Variants in GRID2 observed in about 807,000 individuals in gnomAD.
The protein encoded by GRID2 is glutamate receptor ionotropic, delta-2.
In GRID2, 33 loss-of-function variants were observed where a neutral mutation model predicts 114.8. The observed-to-expected ratio is 0.29, with a 90% confidence interval of 0.22 to 0.38. The LOEUF (loss-of-function observed/expected upper bound fraction) is 0.38, where lower values mean the gene tolerates loss of function less well. Among genes scored for constraint, GRID2 ranks in the 10% least tolerant of loss-of-function variants. GRID2 has a pLI of 1.00. For missense variants in GRID2, 1,184 were observed against 1,257.7 expected (o/e 0.94, Z 0.89); for synonymous variants, 505 against 449.9 (o/e 1.12, Z -1.55).
intron 4 of GRID2, among the ~76,000 whole-genome samples, chr4:93,170,349 G>A (rs1370815294): frequency 6.6e-6 from 1 of 152,096 alleles, no homozygotes; most frequent in African/African-American, 2.4e-5. Context: ...CTCCCAAAGT[G>A]CTGGGATTAC....
intron 2 of GRID2, among the ~76,000 whole-genome samples, chr4:92,610,902 A>T (rs1208178397): frequency 1.3e-5 from 2 of 151,698 alleles, no homozygotes; most frequent in Non-Finnish European, 2.9e-5. Flanking sequence ...TCTTTTAATG[A>T]TGAATAGTGT....
intron 1 of GRID2, among the ~76,000 whole-genome samples, chr4:92,587,226 T>A (rs747108969): frequency 4.0e-4 from 60 of 151,556 alleles, no homozygotes; most frequent in Middle Eastern, 6.8e-3. Context: ...TGTAAAATCA[T>A]GCTAATAAAA....
intron 7 of GRID2, among the ~76,000 whole-genome samples, chr4:93,230,054 A>C (rs1372881217): frequency 6.6e-6 from 1 of 151,996 alleles, no homozygotes; most frequent in East Asian, 1.9e-4. Context: ...CCATATAGTT[A>C]GCTTTTTGTA....
At chr4:93,780,759 C>T (rs768345545) in intron 1 of GRID2, among the ~76,000 whole-genome samples, 2 of 152,124 alleles carry the variant, frequency 1.3e-5, no homozygotes, top group Non-Finnish European at 2.9e-5. Flanking sequence ...TGAAAACCTC[C>T]GTCAGTGGCA....
chr4:92,397,122 TTAAAA>T (rs1453718942), intron 1 of GRID2, among the ~76,000 whole-genome samples: 2 of 152,072 alleles, frequency 1.3e-5, no homozygotes, highest in African/African-American at 4.8e-5. Context: ...TTGAAATTCT[TTAAAA>T]TAATCATGTA....
intron 2 of GRID2, among the ~76,000 whole-genome samples, chr4:92,847,694 C>T (rs1302194654): frequency 3.3e-5 from 5 of 151,958 alleles, no homozygotes; most frequent in Non-Finnish European, 7.4e-5. Context: ...CCATTCCATA[C>T]TTAGTCTAGT....
At chr4:93,543,047 G>C (rs1452942895) in intron 13 of GRID2, among the ~76,000 whole-genome samples, 1 of 152,132 alleles carries the variant, frequency 6.6e-6, no homozygotes, top group Non-Finnish European at 1.5e-5. Flanking sequence ...AATGCGAGTG[G>C]TCTCCTAATA....
rs145682858 is a variant in GRID2, at chr4:92,552,624, A to G, written c.89-37507A>G. On this transcript the variant is annotated intron_variant, in intron 1 of 15. Transcript: ENST00000282020. ...ACGTTCTCTTAAGATCGAATGAAGC[A>G]GATTTTAAAAGCTCAGCTACAGTAG... is the stretch of plus-strand genomic sequence containing the variant. Among the ~76,000 whole-genome samples, 176 of 152,330 alleles carry G rather than the reference A, an allele frequency of 1.2e-3. 1 individual carries two copies. The highest frequency in any genetic ancestry group is 1.8e-3 in the Non-Finnish European group (123 of 68,030).
chr4:92,662,015 A>T (rs538122696), intron 2 of GRID2, among the ~76,000 whole-genome samples: 14 of 151,074 alleles, frequency 9.3e-5, no homozygotes, highest in African/African-American at 2.9e-4. Flanking sequence ...TAAGCTGAGG[A>T]TGCCCACAGT....
At chr4:93,771,769 G>A (rs571920559) in intron 15 of GRID2, among the ~76,000 whole-genome samples, 1 of 152,020 alleles carries the variant, frequency 6.6e-6, no homozygotes, top group Non-Finnish European at 1.5e-5. Flanking sequence ...ATTTTGCCTG[G>A]GTCTGTCTTT....
intron 2 of GRID2, among the ~76,000 whole-genome samples, chr4:92,961,289 A>T (rs904462334): frequency 1.3e-5 from 2 of 151,414 alleles, no homozygotes; most frequent in Non-Finnish European, 1.5e-5. Flanking sequence ...TGTTGATACA[A>T]GTTTCTGATC....
At chr4:92,949,245 G>A (rs1300024106) in intron 2 of GRID2, among the ~76,000 whole-genome samples, 1 of 151,762 alleles carries the variant, frequency 6.6e-6, no homozygotes, top group African/African-American at 2.4e-5. Flanking sequence ...GGAGCTAAAT[G>A]TTGAATTTAT....
At chr4:92,631,742 T>G (rs1213848603) in intron 2 of GRID2, among the ~76,000 whole-genome samples, 1 of 152,120 alleles carries the variant, frequency 6.6e-6, no homozygotes, top group Non-Finnish European at 1.5e-5. Context: ...GCATGGAAAG[T>G]ATATTGAATA....
chr4:92,867,731 A>G (rs558134382), intron 2 of GRID2, among the ~76,000 whole-genome samples: 1 of 152,310 alleles, frequency 6.6e-6, no homozygotes, highest in South Asian at 2.1e-4. Context: ...CTGTCGTACT[A>G]GATTTGCTAT....
At chr4:92,680,571 C>A (rs1733603908) in intron 2 of GRID2, among the ~76,000 whole-genome samples, 1 of 152,118 alleles carries the variant, frequency 6.6e-6, no homozygotes, top group South Asian at 2.1e-4. Flanking sequence ...AGCAACTAAA[C>A]TGAATCTTGA....
intron 11 of GRID2, among the ~76,000 whole-genome samples, chr4:93,486,280 T>G (rs1396929203): frequency 6.6e-5 from 10 of 151,646 alleles, no homozygotes; most frequent in Admixed American, 3.9e-4. Flanking sequence ...TACATACATA[T>G]TCATATCATC....
At chr4:92,949,935 C>T (rs942371408) in intron 2 of GRID2, among the ~76,000 whole-genome samples, 3 of 152,092 alleles carry the variant, frequency 2.0e-5, no homozygotes, top group African/African-American at 7.2e-5. Context: ...TGGCCATCTC[C>T]TCTCAGCTAA....
At chr4:92,485,301 CATATATATATATATATATATAT>C (rs34583484) in intron 1 of GRID2, among the ~76,000 whole-genome samples, 5,865 of 56,600 alleles carry the variant, frequency 0.1, 347 homozygotes, top group Middle Eastern at 0.14. Context: ...AAGGTGTGTG[CATATATATATATATATATATAT>C]ATATATATAT....
chr4:93,697,616 T>C (rs776374374), intron 14 of GRID2, among the ~76,000 whole-genome samples: 35 of 152,050 alleles, frequency 2.3e-4, no homozygotes, highest in Admixed American at 1.3e-3. Context: ...TATTAGTCAC[T>C]TTCTTATTTC....
Sources: allele counts gnomAD v4.1 joint callset (sites outside exome capture counted in the v4.1 genomes callset), GRCh38; gene constraint gnomAD v4.1.1; transcripts MANE v1.5; gene names NCBI Gene and HGNC (gene_info 2026-07-23, HGNC 2026-07-21).